The following DIAPH3 variants were observed in gnomAD, a reference collection of about 807,000 sequenced individuals.
DIAPH3 encodes diaphanous related formin 3, also known as protein diaphanous homolog 3.
Under a neutral mutation model 144.3 loss-of-function variants are expected in DIAPH3, and 117 were observed. The observed-to-expected ratio is 0.81, with a 90% CI of 0.70 to 0.95. The LOEUF (loss-of-function observed/expected upper bound fraction) is 0.95. Among genes scored for constraint, DIAPH3 ranks in the 40% least tolerant of loss-of-function variants. DIAPH3 has a pLI of 0.00. For synonymous variants in DIAPH3, 519 were observed against 488.9 expected (o/e 1.06, Z -0.81); for missense variants, 1,421 against 1,412.7 (o/e 1.01, Z -0.09).
intron 24 of DIAPH3, 97 bp from the exon 25 acceptor site, chr13:59,811,020 AT>A: frequency 8.6e-7 from 1 of 1,166,624 alleles, no homozygotes; most frequent in Non-Finnish European, 1.2e-6. Context: ...TAGAAACATG[AT>A]TATCTTTTAG....
intron 19 of DIAPH3, among the ~76,000 whole-genome samples, chr13:59,912,848 A>G (rs2140242393): frequency 6.6e-6 from 1 of 152,318 alleles, no homozygotes; most frequent in African/African-American, 2.4e-5. Context: ...TTATACATCA[A>G]AATCAATTAG....
chr13:59,704,664 G>A (rs1219750211), intron 27 of DIAPH3, among the ~76,000 whole-genome samples: 1 of 152,102 alleles, frequency 6.6e-6, no homozygotes, highest in African/African-American at 2.4e-5. Context: ...ACTTACCATT[G>A]TGTTATAATC....
chr13:60,032,519 T>G (rs933090431), intron 5 of DIAPH3, among the ~76,000 whole-genome samples: 1 of 152,196 alleles, frequency 6.6e-6, no homozygotes, highest in Non-Finnish European at 1.5e-5. Context: ...GACTTACAGC[T>G]TGCACTCTCT....
chr13:60,105,984 CA>C (rs1286710113), intron 3 of DIAPH3, among the ~76,000 whole-genome samples: 6 of 151,794 alleles, frequency 4.0e-5, no homozygotes, highest in Admixed American at 3.9e-4. Context: ...TCTTTAACAC[CA>C]AGAATTAAAG....
At chr13:60,055,238 T>C (rs1169168125) in intron 4 of DIAPH3, among the ~76,000 whole-genome samples, 1 of 151,944 alleles carries the variant, frequency 6.6e-6, no homozygotes, top group African/African-American at 2.4e-5. Context: ...CTAATACTAA[T>C]TTTAGACAAT....
intron 17 of DIAPH3, among the ~76,000 whole-genome samples, chr13:59,956,086 A>G (rs1233083070): frequency 1.3e-5 from 2 of 152,250 alleles, no homozygotes; most frequent in Non-Finnish European, 2.9e-5. Context: ...AAAGGGAAGT[A>G]GAGCATAGAA....
intron 14 of DIAPH3, among the ~76,000 whole-genome samples, chr13:59,975,867 A>G (rs2050650308): frequency 6.6e-6 from 1 of 151,968 alleles, no homozygotes; most frequent in South Asian, 2.1e-4. Flanking sequence ...CCCCACAACT[A>G]CTACGGCTCC....
At chr13:59,786,413 T>A (rs1006731935) in intron 25 of DIAPH3, among the ~76,000 whole-genome samples, 1 of 152,094 alleles carries the variant, frequency 6.6e-6, no homozygotes, top group African/African-American at 2.4e-5. Flanking sequence ...CCAGGAAAAA[T>A]GGTAATATAA....
chr13:59,920,497 C>A (rs900585504), intron 18 of DIAPH3, among the ~76,000 whole-genome samples: 2 of 151,142 alleles, frequency 1.3e-5, no homozygotes. Context: ...GGATGTAACA[C>A]TTGTAAACAT....
chr13:60,008,176 G>A (rs575619585), intron 9 of DIAPH3, among the ~76,000 whole-genome samples: 436 of 152,120 alleles, frequency 2.9e-3, no homozygotes, highest in Non-Finnish European at 3.6e-3. Context: ...GGTAGATCAC[G>A]AGATCAGGAG....
At chr13:59,854,763 CAG>C (rs1465310610) in intron 22 of DIAPH3, among the ~76,000 whole-genome samples, 1 of 152,186 alleles carries the variant, frequency 6.6e-6, no homozygotes, top group Non-Finnish European at 1.5e-5. Flanking sequence ...GTGACACTGA[CAG>C]AACTGCTCAA....
chr13:60,045,932 C>T (rs1234351259), intron 4 of DIAPH3, among the ~76,000 whole-genome samples: 1 of 152,226 alleles, frequency 6.6e-6, no homozygotes, highest in Admixed American at 6.5e-5. Flanking sequence ...AGCCCTGTCT[C>T]ACAAAGACAA....
At chr13:59,832,414 C>A (rs1326254895) in intron 24 of DIAPH3, among the ~76,000 whole-genome samples, 1 of 151,738 alleles carries the variant, frequency 6.6e-6, no homozygotes, top group African/African-American at 2.4e-5. Context: ...TTAATCGCCA[C>A]AAACAATTGC....
chr13:59,752,671 G>A (rs2037071258), intron 27 of DIAPH3, among the ~76,000 whole-genome samples: 1 of 152,118 alleles, frequency 6.6e-6, no homozygotes, highest in Admixed American at 6.6e-5. Context: ...CCCAGCTAAT[G>A]TAGTCATTTT....
chr13:60,127,958 TA>T (rs1405260486), intron 2 of DIAPH3, among the ~76,000 whole-genome samples: 2 of 152,304 alleles, frequency 1.3e-5, no homozygotes, highest in Admixed American at 6.5e-5. Flanking sequence ...GTTATATAGA[TA>T]AACTCATGTC....
At chr13:59,857,879 C>T (rs1374373670) in intron 22 of DIAPH3, among the ~76,000 whole-genome samples, 1 of 152,106 alleles carries the variant, frequency 6.6e-6, no homozygotes. Flanking sequence ...CATTGAGATG[C>T]TGAAGGCTAT....
chr13:59,789,550 G>C (rs956943041), intron 25 of DIAPH3, among the ~76,000 whole-genome samples: 2 of 152,232 alleles, frequency 1.3e-5, no homozygotes, highest in African/African-American at 4.8e-5. Flanking sequence ...GAAGGGGAAG[G>C]AGCTAGAGAA....
At chr13:60,079,891 C>T (rs1216531078) in intron 4 of DIAPH3, among the ~76,000 whole-genome samples, 2 of 151,876 alleles carry the variant, frequency 1.3e-5, no homozygotes, top group Non-Finnish European at 2.9e-5. Context: ...GCTCATTTTA[C>T]ACTTTACTTG....
chr13:59,705,000 T>C (rs959421528), intron 27 of DIAPH3, among the ~76,000 whole-genome samples: 11 of 152,214 alleles, frequency 7.2e-5, no homozygotes, highest in African/African-American at 1.9e-4. Context: ...AATGGTAAGA[T>C]AGGAGAAACC....
Sources: gnomAD v4.1 joint callset for allele counts (sites outside exome capture counted in the v4.1 genomes callset) on GRCh38, gnomAD v4.1.1 for gene constraint, MANE v1.5 for transcripts, NCBI Gene and HGNC (gene_info 2026-07-23, HGNC 2026-07-21) for gene names.